The following LARGE1 variants were observed in gnomAD, a reference collection of about 807,000 sequenced individuals.
LARGE1 encodes the protein xylosyl- and glucuronyltransferase LARGE1.
LARGE1 carries 43 observed loss-of-function variants against 87.6 expected under a neutral mutation model. The observed-to-expected ratio is 0.49, with a 90% confidence interval of 0.38 to 0.63. The LOEUF (loss-of-function observed/expected upper bound fraction) is 0.63. LARGE1 is among the 30% of genes least tolerant of loss of function. LARGE1 has a pLI of 0.00. For missense variants in LARGE1, 802 were observed against 1,000.2 expected, an observed-to-expected ratio of 0.80 and a Z score of 2.67; for synonymous variants, 434 against 394.6, an observed-to-expected ratio of 1.10 and a Z score of -1.18.
At chr22:33,398,386 T>C (rs1230345391) in intron 7 of LARGE1, among the ~76,000 whole-genome samples, 1 of 152,148 alleles carries the variant, frequency 6.6e-6, no homozygotes, top group African/African-American at 2.4e-5. Flanking sequence ...TCCCCCAACC[T>C]TTCCTCCTGA....
At chr22:33,922,650 T>C (rs1261189070), upstream of LARGE1, 1 of 152,206 alleles carries the variant, frequency 6.6e-6, no homozygotes, top group Non-Finnish European at 1.5e-5. Flanking sequence ...ACCGTGCACG[T>C]TGGCAGGCAT....
At chr22:33,884,084 A>G (rs1235208573) in intron 1 of LARGE1, among the ~76,000 whole-genome samples, 1 of 152,192 alleles carries the variant, frequency 6.6e-6, no homozygotes, top group Non-Finnish European at 1.5e-5. Context: ...AATCAATGAG[A>G]AAAATAAAGA....
intron 14 of LARGE1, 48 bp from the exon 15 acceptor site, chr22:33,274,672 A>G: frequency 6.5e-7 from 1 of 1,534,874 alleles, no homozygotes; most frequent in Non-Finnish European, 9.0e-7. Context: ...GCCGAGGGTC[A>G]TGCATGATGA....
chr22:33,334,992 C>T (rs577761987), intron 10 of LARGE1, among the ~76,000 whole-genome samples: 5 of 152,342 alleles, frequency 3.3e-5, no homozygotes, highest in Admixed American at 3.3e-4. Context: ...GTGAGTCACT[C>T]ATAAAAGGAG....
chr22:33,111,848 G>C, the LARGE1 span, among the ~76,000 whole-genome samples: 1 of 152,192 alleles, frequency 6.6e-6, no homozygotes. Context: ...TTATGGGGCG[G>C]GGAAGCAAGA....
intron 5 of LARGE1, among the ~76,000 whole-genome samples, chr22:33,588,653 G>A (rs1370962605): frequency 6.6e-6 from 1 of 152,210 alleles, no homozygotes; most frequent in Non-Finnish European, 1.5e-5. Flanking sequence ...TTGCTTTGAG[G>A]GGAATGGCTC....
At position 33,604,466 on chromosome 22, in the gene LARGE1, C is replaced by A. The variant is rs147597912; in HGVS notation, c.584G>T (p.Arg195Leu). ...LFQTWMVPAV[R>L]VDFYNADELK... The stretch of plus-strand genomic sequence containing the variant: ...CTCGTCTGCATTGTAGAAGTCCACA[C>A]GCACAGCGGGCACCATCCAGGTCTG... The change falls in exon 5 of 15, where the codon CGT becomes CTT. Residue 195 changes from arginine (R) to leucine (L), a missense_variant. Coordinates refer to ENST00000397394, the MANE Select transcript of LARGE1 (RefSeq NM_133642.5). 1 of 1,614,116 alleles carries A rather than the reference C, an allele frequency of 6.2e-7. No homozygotes were observed. Among genetic ancestry groups the A allele is most frequent in the Non-Finnish European group, 8.5e-7 (1 of 1,180,002 alleles).
At chr22:33,088,051 A>AAC in the LARGE1 span, among the ~76,000 whole-genome samples, 24,602 of 151,134 alleles carry the variant, frequency 0.16, 2,308 homozygotes, top group East Asian at 0.41. Context: ...GCACAGGCCT[A>AAC]ACACACACAC....
chr22:33,714,727 T>C (rs552949127), intron 2 of LARGE1, among the ~76,000 whole-genome samples: 1 of 152,318 alleles, frequency 6.6e-6, no homozygotes, highest in African/African-American at 2.4e-5. Context: ...TGGCCTCAGG[T>C]ACTTGCGTGA....
intron 6 of LARGE1, among the ~76,000 whole-genome samples, chr22:33,524,407 A>G (rs574145942): frequency 3.3e-5 from 5 of 152,130 alleles, no homozygotes; most frequent in Admixed American, 2.6e-4. Flanking sequence ...TTTCTAATTT[A>G]CCCTCTTGTC....
intron 1 of LARGE1, among the ~76,000 whole-genome samples, chr22:33,849,592 C>CTTTTTTTTTT (rs71187287): frequency 3.8e-4 from 34 of 88,592 alleles, no homozygotes; most frequent in Middle Eastern, 0.01. Context: ...CTTTTCTTCT[C>CTTTTTTTTTT]TTTTTTTTTT....
intron 2 of LARGE1, among the ~76,000 whole-genome samples, chr22:33,705,544 C>T (rs2082536047): frequency 6.6e-6 from 1 of 152,172 alleles, no homozygotes; most frequent in Non-Finnish European, 1.5e-5. Flanking sequence ...AATGCTCAGC[C>T]CCATTTCACT....
At chr22:33,450,910 C>A (rs900408984) in intron 6 of LARGE1, among the ~76,000 whole-genome samples, 4 of 152,238 alleles carry the variant, frequency 2.6e-5, no homozygotes, top group Admixed American at 1.3e-4. Flanking sequence ...TAGGCCATCA[C>A]ACACACAAGA....
At position 33,852,870 on chromosome 22, in the gene LARGE1, AAAAAAAAAAGAAAG is replaced by A. The variant is rs1297728513; in HGVS notation, c.-83+67111_-83+67124del. ...GACTCCGTCTCCAAAAAAAAAAAAA[AAAAAAAAAAGAAAG>A]AAAGAAAGAAAGAAAAGTGATAAGT... On this transcript the variant is annotated intron_variant, in intron 1 of 14. Coordinates refer to ENST00000397394, the MANE Select transcript of LARGE1 (RefSeq NM_133642.5). Among the ~76,000 whole-genome samples the A allele has an allele frequency of 7.9e-3, 1,004 of 126,354 alleles. 6 individuals carry two copies. Among genetic ancestry groups the A allele is most frequent in the African/African-American group, 0.029 (784 of 26,938 alleles). 82.9% of individuals were successfully genotyped at this position (126,354 alleles called of 152,430 possible).
chr22:33,091,114 G>A, the LARGE1 span, among the ~76,000 whole-genome samples: 1 of 152,086 alleles, frequency 6.6e-6, no homozygotes, highest in South Asian at 2.1e-4. Context: ...TTTCTCTTCT[G>A]CAAGCCGATC....
intron 11 of LARGE1, among the ~76,000 whole-genome samples, chr22:33,245,650 T>A (rs1428189954): frequency 1.3e-5 from 2 of 152,372 alleles, no homozygotes; most frequent in East Asian, 3.9e-4. Flanking sequence ...GGCCCATGCC[T>A]GTAATCCCAG....
intron 10 of LARGE1, among the ~76,000 whole-genome samples, chr22:33,329,070 G>A (rs1288002295): frequency 2.0e-5 from 3 of 152,178 alleles, no homozygotes; most frequent in Non-Finnish European, 4.4e-5. Context: ...GCTCATGCAG[G>A]AGAGACCAGA....
At chr22:33,197,107 T>C (rs1003329824) in intron 11 of LARGE1, among the ~76,000 whole-genome samples, 1 of 152,028 alleles carries the variant, frequency 6.6e-6, no homozygotes, top group Non-Finnish European at 1.5e-5. Context: ...CAAATACACT[T>C]TCATGGAAAC....
chr22:33,416,906 C>CTTTTTTTTTTTTT (rs35018256), intron 7 of LARGE1, among the ~76,000 whole-genome samples: 3 of 90,146 alleles, frequency 3.3e-5, no homozygotes, highest in African/African-American at 1.1e-4. Flanking sequence ...CACGCCCGGA[C>CTTTTTTTTTTTTT]TTTTTTTTTT....
Sources: allele counts gnomAD v4.1 joint callset (sites outside exome capture counted in the v4.1 genomes callset), GRCh38; gene constraint gnomAD v4.1.1; transcripts MANE v1.5; gene names NCBI Gene and HGNC (gene_info 2026-07-23, HGNC 2026-07-21).